SEZ6L: variants seen among roughly 807,000 people sequenced by gnomAD.
The protein encoded by SEZ6L is seizure related 6 homolog like, also known as seizure 6-like protein.
A neutral mutation model predicts 106.2 loss-of-function variants in SEZ6L; 37 were observed. The observed-to-expected ratio is 0.35, with a 90% CI of 0.27 to 0.46. SEZ6L has a LOEUF of 0.46. SEZ6L is among the 20% of genes least tolerant of loss of function. The pLI, the probability that SEZ6L is intolerant of heterozygous loss-of-function variation, is 1.00. For missense variants in SEZ6L, 1,172 were observed against 1,332.8 expected, an observed-to-expected ratio of 0.88 and a Z score of 1.88; for synonymous variants, 541 against 570.4, an observed-to-expected ratio of 0.95 and a Z score of 0.73.
Position 26,323,583 on chromosome 22 carries a change from A to T in SEZ6L, c.2015+9681A>T, listed in dbSNP as rs549717963. On this transcript the variant is annotated intron_variant, in intron 9 of 16. Transcript: ENST00000248933. ...AGGTGTTGAGACCAGCTTGGGCAAC[A>T]TAGTGAGACCCTGTTTCTAAAAAGA... is the stretch of plus-strand genomic sequence containing the variant. Among the ~76,000 whole-genome samples the T allele has an allele frequency of 3.3e-5, 5 of 152,344 alleles. No homozygotes were observed. The South Asian group carries it at 1.0e-3, about 32-fold the overall frequency.
In SEZ6L at chr22:26,365,442, C is replaced by T. The variant is rs2083774271; in HGVS notation, c.2670C>T (p.Leu890=). Reference sequence around the variant, plus strand: ...GATACCAAATCCTGTACAAGCGACTCTACCTGCCAGGAGAGTCCCTCACCT... The same window carrying T: ...GATACCAAATCCTGTACAAGCGACTTTACCTGCCAGGAGAGTCCCTCACCT... The part of the protein sequence containing the change: ...ENGYQILYKR[L]YLPGESLTFM... Residue 890 remains leucine (L), a synonymous_variant, in exon 13 of 17, where the codon CTC becomes CTT. Coordinates refer to ENST00000248933, the MANE Select transcript of SEZ6L (RefSeq NM_021115.5). The T allele has an allele frequency of 6.2e-7, 1 of 1,614,176 alleles. No homozygotes were observed. The highest frequency in any genetic ancestry group is 2.2e-5 in the East Asian group (1 of 44,886).
intron 12 of SEZ6L, among the ~76,000 whole-genome samples, chr22:26,355,177 C>T (rs2083402372): frequency 1.3e-5 from 2 of 152,274 alleles, no homozygotes; most frequent in South Asian, 4.1e-4. Flanking sequence ...AACACTAACA[C>T]TCTTCACCCT....
At chr22:26,316,892 G>GAAAGAAGAAAGAAAGAA (rs1229794374) in intron 9 of SEZ6L, among the ~76,000 whole-genome samples, 99 of 103,748 alleles carry the variant, frequency 9.5e-4, no homozygotes, top group South Asian at 2.0e-3. Flanking sequence ...AAGAAAGAAA[G>GAAAGAAGAAAGAAAGAA]AGAAAGAAAG....
At position 26,292,950 on chromosome 22, in the gene SEZ6L, C is replaced by A. The variant is rs371017350; in HGVS notation, c.639C>A (p.His213Gln). 6.2e-7 allele frequency: 1 copy of A among 1,614,060 alleles called. No homozygotes were observed. The highest frequency in any genetic ancestry group is 8.5e-7 in the Non-Finnish European group (1 of 1,179,962). Residue 213 changes from histidine to glutamine, a missense_variant, in exon 2 of 17, where the codon CAC becomes CAA. By Grantham distance (24) the His-to-Gln change is conservative. This residue lies in a region of SEZ6L where 494 missense variants were observed against 445.8 expected (regional missense o/e 1.11). Coordinates refer to ENST00000248933, the MANE Select transcript of SEZ6L (RefSeq NM_021115.5). ...SPFTSQPYVAHTLPQRPEPGE... is the reference protein window; with the variant it reads ...SPFTSQPYVAQTLPQRPEPGE... ...TCACTTCGCAGCCCTATGTGGCCCA[C>A]ACACTCCCCCAGAGGCCAGAACCCG...
At chr22:26,175,637 C>T (rs1938936958) in intron 1 of SEZ6L, among the ~76,000 whole-genome samples, 2 of 152,106 alleles carry the variant, frequency 1.3e-5, no homozygotes, top group Admixed American at 1.3e-4. Flanking sequence ...GAGAAGACCT[C>T]GTAAAAGAGA....
chr22:26,237,373 C>T (rs2078986199), intron 1 of SEZ6L, among the ~76,000 whole-genome samples: 1 of 152,150 alleles, frequency 6.6e-6, no homozygotes, highest in Admixed American at 6.5e-5. Flanking sequence ...AGGAAACTCC[C>T]AATAAAATGT....
intron 15 of SEZ6L, among the ~76,000 whole-genome samples, chr22:26,376,957 TG>T (rs1267920409): frequency 5.9e-5 from 9 of 151,896 alleles, no homozygotes; most frequent in African/African-American, 2.2e-4. Flanking sequence ...TAGGTAGGTG[TG>T]GTGAGTAACA....
chr22:26,335,734 T>C (rs1370099005), intron 9 of SEZ6L, among the ~76,000 whole-genome samples: 1 of 152,138 alleles, frequency 6.6e-6, no homozygotes, highest in Non-Finnish European at 1.5e-5. Context: ...TCACTGTCAA[T>C]ATCTGCTTTT....
chr22:26,271,417 G>A (rs1248020811), intron 1 of SEZ6L, among the ~76,000 whole-genome samples: 3 of 152,240 alleles, frequency 2.0e-5, no homozygotes, highest in Non-Finnish European at 4.4e-5. Flanking sequence ...ATGGAATGGA[G>A]TTGATATTGT....
intron 1 of SEZ6L, among the ~76,000 whole-genome samples, chr22:26,196,863 C>G (rs1187741643): frequency 6.6e-6 from 1 of 152,148 alleles, no homozygotes; most frequent in African/African-American, 2.4e-5. Context: ...CAGGTTACTG[C>G]TTGAGTGACT....
intron 9 of SEZ6L, among the ~76,000 whole-genome samples, chr22:26,335,227 A>T (rs16981782): frequency 0.07 from 10,706 of 152,284 alleles, 832 homozygotes; most frequent in South Asian, 0.22. Context: ...AAAAAGATTC[A>T]GAAGAATGAG....
chr22:26,209,676 T>G (rs997307760), intron 1 of SEZ6L, among the ~76,000 whole-genome samples: 1 of 125,174 alleles, frequency 8.0e-6, no homozygotes, highest in Non-Finnish European at 1.6e-5. Context: ...GATGGAGAGA[T>G]AGATGACAGG....
intron 1 of SEZ6L, among the ~76,000 whole-genome samples, chr22:26,218,967 GA>G (rs2078377844): frequency 6.6e-6 from 1 of 151,978 alleles, no homozygotes; most frequent in African/African-American, 2.4e-5. Flanking sequence ...GAAACGAAAA[GA>G]AAAAAGAAAA....
At chr22:26,253,458 T>C (rs2079683298) in intron 1 of SEZ6L, among the ~76,000 whole-genome samples, 1 of 152,192 alleles carries the variant, frequency 6.6e-6, no homozygotes, top group African/African-American at 2.4e-5. Context: ...CAATGTCCTT[T>C]CTCAACGTTT....
At position 26,218,961 on chromosome 22, in the gene SEZ6L, C is replaced by A. The variant is rs185944929; in HGVS notation, c.94+49198C>A. On this transcript the variant is annotated intron_variant, in intron 1 of 16. Transcript: ENST00000248933. ...TCAAAAAAAAAGAAAAGAAAAGAAACGAAAAGAAAAAAGAAAAAAGTAAAG... is the reference window on the plus strand; with the variant it reads ...TCAAAAAAAAAGAAAAGAAAAGAAAAGAAAAGAAAAAAGAAAAAAGTAAAG... Among the ~76,000 whole-genome samples, 480 of 151,998 alleles carry A rather than the reference C, an allele frequency of 3.2e-3. 5 individuals carry two copies. Among genetic ancestry groups the A allele is most frequent in the African/African-American group, 5.7e-3 (235 of 41,504 alleles).
At chr22:26,281,276 T>C (rs2080754881) in intron 1 of SEZ6L, among the ~76,000 whole-genome samples, 1 of 152,144 alleles carries the variant, frequency 6.6e-6, no homozygotes, top group South Asian at 2.1e-4. Flanking sequence ...ACTGCGTCAC[T>C]ATGAGACCCT....
chr22:26,230,501 T>A (rs189605814), intron 1 of SEZ6L, among the ~76,000 whole-genome samples: 2 of 152,236 alleles, frequency 1.3e-5, no homozygotes, highest in Admixed American at 6.5e-5. Flanking sequence ...ACTGACAAGG[T>A]TCCTGCTTTT....
intron 1 of SEZ6L, among the ~76,000 whole-genome samples, chr22:26,203,157 C>T (rs1344595339): frequency 6.6e-6 from 1 of 152,202 alleles, no homozygotes; most frequent in Non-Finnish European, 1.5e-5. Flanking sequence ...GAACATCTCT[C>T]TAGGTCCTAG....
intron 6 of SEZ6L, among the ~76,000 whole-genome samples, chr22:26,306,397 G>T (rs951695769): frequency 6.6e-6 from 1 of 152,186 alleles, no homozygotes; most frequent in South Asian, 2.1e-4. Context: ...GAGGCAAAAA[G>T]GGAACTGCCC....
Sources: gnomAD v4.1 joint callset for allele counts (sites outside exome capture counted in the v4.1 genomes callset) on GRCh38, gnomAD v4.1.1 for gene constraint, gnomAD v4.1.1 regional missense constraint, MANE v1.5 for transcripts, NCBI Gene and HGNC (gene_info 2026-07-23, HGNC 2026-07-21) for gene names.